Variants in GTPBP4 observed in about 807,000 individuals in gnomAD.
GTPBP4 encodes GTP-binding protein 4.
In GTPBP4, 15 loss-of-function variants were observed where a neutral mutation model predicts 81.7. The observed-to-expected ratio is 0.18, with a 90% CI of 0.12 to 0.28. The LOEUF is 0.28. Ranked by LOEUF, GTPBP4 falls within the 10% of genes least tolerant of loss-of-function variation. The probability of loss-of-function intolerance (pLI) is 1.00; values close to 1 mark genes in which losing one functional copy is unlikely to be tolerated. For synonymous variants in GTPBP4, 272 were observed against 274.6 expected (o/e 0.99, Z 0.09); for missense variants, 847 against 793.8 (o/e 1.07, Z -0.81).
At chr10:996,550 T>TA (rs1329919639) in intron 4 of GTPBP4, 1 of 210,692 alleles carries the variant, frequency 4.7e-6, no homozygotes. Context: ...TTGACTTTTT[T>TA]ATTTTTAAAA....
chr10:999,201 C>A, intron 6 of GTPBP4, 106 bp downstream of exon 6: 2 of 679,292 alleles, frequency 2.9e-6, no homozygotes, highest in South Asian at 1.6e-5. Flanking sequence ...CCACTGCAAC[C>A]TTCACCTCCC....
rs12776622 is a variant in GTPBP4, at chr10:1,011,403, T to G, written c.1344+883T>G. On this transcript the variant is annotated intron_variant, in intron 13 of 16. Transcript: ENST00000360803. ...TCCATTAGTTGCTATCCTGCCTTCT[T>G]CTCTCAGCTGAGCTGTCTGAAACAT... Among the ~76,000 whole-genome samples the G allele has an allele frequency of 5.7e-4, 37 of 65,416 alleles. No individual in the cohort carries two copies. In the East Asian group the frequency reaches 7.7e-3, roughly 14 times the overall value. The allele number at this position is 65,416 out of a possible 152,430, so 42.9% of individuals were successfully genotyped here.
rs1434634046 is a variant in GTPBP4, at chr10:990,247, T to TA, written c.48+1725dup. On this transcript the variant is annotated intron_variant, in intron 1 of 16. Coordinates refer to ENST00000360803, the MANE Select transcript of GTPBP4 (RefSeq NM_012341.3). ...ATTTTTAGAGAACAGATGACTTATC[T>TA]AAAAACTGGGTGATGGTAATTGTTT... Among the ~76,000 whole-genome samples, 5 of 151,936 alleles carry TA rather than the reference T, an allele frequency of 3.3e-5. No individual in the cohort carries two copies. The East Asian group carries it at 9.7e-4, about 29-fold the overall frequency.
chr10:1,016,997 T>C (rs1342740546), intron 16 of GTPBP4, 78 bp from the exon 17 acceptor site: 1 of 1,182,196 alleles, frequency 8.5e-7, no homozygotes, highest in African/African-American at 1.5e-5. Flanking sequence ...AAACAGATTG[T>C]TACCCAGTAG....
chr10:996,290 G>C lies in GTPBP4; in HGVS notation c.460+48G>C, dbSNP rs756525381. ...AACCGTGCTAGCATCCTGCTGAGAG[G>C]ATGCGTCCTTGTTGAGGACTTGAGA... On this transcript the variant is annotated intron_variant, in intron 4 of 16. Transcript: ENST00000360803. The C allele has an allele frequency of 9.0e-6, 14 of 1,548,004 alleles. No homozygotes were observed. In the Admixed American group the frequency reaches 2.7e-4, roughly 30 times the overall value.
chr10:994,204 G>T (rs1160517961), intron 2 of GTPBP4, among the ~76,000 whole-genome samples: 2 of 152,202 alleles, frequency 1.3e-5, no homozygotes, highest in African/African-American at 4.8e-5. Context: ...CTTGGGAAAG[G>T]TCAGGTACTA....
At chr10:1,001,073 A>G (rs1564467597) in intron 8 of GTPBP4, 60 bp downstream of exon 8, 2 of 1,193,414 alleles carry the variant, frequency 1.7e-6, no homozygotes, top group Non-Finnish European at 2.5e-6. Context: ...CTCATCTCAG[A>G]CAACCAAAGT....
intron 12 of GTPBP4, among the ~76,000 whole-genome samples, chr10:1,009,875 G>A (rs1034582194): frequency 6.6e-6 from 1 of 152,210 alleles, no homozygotes; most frequent in African/African-American, 2.4e-5. Context: ...TGTGCCTGTA[G>A]TTCCAGTGAC....
Position 1,017,383 on chromosome 10 carries a change from T to C in GTPBP4, c.*156T>C. On this transcript the variant is annotated 3_prime_UTR_variant, in exon 17 of 17. Coordinates refer to ENST00000360803, the MANE Select transcript of GTPBP4 (RefSeq NM_012341.3). ...GCTGAAAACTATGGTTAACCCTATA[T>C]AGGTGTGGGAAATTTTTGTCACTGC... 2 of 611,074 alleles carry C rather than the reference T, an allele frequency of 3.3e-6. No individual in the cohort carries two copies. Among genetic ancestry groups the C allele is most frequent in the Non-Finnish European group, 5.5e-6 (2 of 365,036 alleles). The allele number at this position is 611,074 out of a possible 1,614,324, so 37.9% of individuals were successfully genotyped here.
intron 2 of GTPBP4, among the ~76,000 whole-genome samples, chr10:993,569 A>G (rs912627764): frequency 6.6e-6 from 1 of 151,198 alleles, no homozygotes; most frequent in African/African-American, 2.4e-5. Context: ...TAGCTGTAGA[A>G]AAGCAAGAGC....
chr10:1,002,072 C>T (rs572155896), intron 8 of GTPBP4, among the ~76,000 whole-genome samples: 25 of 152,068 alleles, frequency 1.6e-4, no homozygotes, highest in Admixed American at 1.0e-3. Context: ...TACAGGCGTG[C>T]GCCACCACAC....
Position 1,012,603 on chromosome 10 carries a change from A to T in GTPBP4, c.1483A>T (p.Ile495Phe). 6.2e-7 allele frequency: 1 copy of T among 1,614,122 alleles called. No homozygotes were observed. The highest frequency in any genetic ancestry group is 1.1e-5 in the South Asian group (1 of 91,074). ...AATTCGAGAGAAAAAGAAGTTGAAAATTCTGGAGTCCAAAGAAAAGAATAC... is the reference window on the plus strand; with the variant it reads ...AATTCGAGAGAAAAAGAAGTTGAAATTTCTGGAGTCCAAAGAAAAGAATAC... ...KQIREKKKLK[I>F]LESKEKNTQG... Residue 495 changes from isoleucine (I) to phenylalanine (F), a missense_variant, in exon 14 of 17, where the codon ATT becomes TTT. Physicochemically the swap from Ile to Phe is conservative, Grantham distance 21 (BLOSUM62 0). Around this residue, in one of 3 missense-constraint regions of GTPBP4, gnomAD observed 600 missense variants for 557.1 expected, o/e 1.08. Coordinates refer to ENST00000360803, the MANE Select transcript of GTPBP4 (RefSeq NM_012341.3).
rs1831976444 is a variant in GTPBP4 at position 1,015,736 on chromosome 10, C to T, written c.1609-17C>T. On this transcript the variant is annotated splice_polypyrimidine_tract_variant and intron_variant, in intron 15 of 16. Coordinates refer to ENST00000360803, the MANE Select transcript of GTPBP4 (RefSeq NM_012341.3). ...CTGGGGTCCTGAGCGCTGAGCATTG[C>T]TTCCCCTGCTTTGCAGGCCCATTAC... The T allele has an allele frequency of 6.2e-7, 1 of 1,607,838 alleles. No homozygotes were observed.
At chr10:1,006,403 C>A (rs921298646) in intron 9 of GTPBP4, among the ~76,000 whole-genome samples, 1 of 152,216 alleles carries the variant, frequency 6.6e-6, no homozygotes, top group Admixed American at 6.5e-5. Flanking sequence ...CTTTGGGAGG[C>A]TGAGGCGGGT....
At chr10:1,011,634 T>C (rs1157402347) in intron 13 of GTPBP4, among the ~76,000 whole-genome samples, 1 of 152,244 alleles carries the variant, frequency 6.6e-6, no homozygotes, top group Non-Finnish European at 1.5e-5. Context: ...TGAGTTCACA[T>C]TTTCAGTCTC....
rs748725666 is a variant in GTPBP4, at chr10:1,019,538, A to T, written c.*2311A>T. ...CCTCTCACACTCTGTGTATTTTGTG[A>T]AGCTCCACAAACGGGGTCACGTCAT... On this transcript the variant is annotated 3_prime_UTR_variant, in exon 17 of 17. Transcript: ENST00000360803. 3.7e-6 allele frequency: 6 copies of T among 1,612,978 alleles called. No individual in the cohort carries two copies. The South Asian group carries it at 6.6e-5, about 18-fold the overall frequency.
intron 10 of GTPBP4, chr10:1,007,814 A>G (rs550915849): frequency 4.1e-6 from 2 of 483,594 alleles, no homozygotes; most frequent in African/African-American, 4.0e-5. Flanking sequence ...TTGTGTAAAG[A>G]TGATTTTATT....
intron 8 of GTPBP4, among the ~76,000 whole-genome samples, chr10:1,005,555 T>C (rs539933497): frequency 2.0e-5 from 3 of 152,310 alleles, no homozygotes; most frequent in African/African-American, 7.2e-5. Context: ...TAACATGTAG[T>C]TGTTCGTTAT....
At chr10:1,016,865 G>T (rs1832002782) in intron 16 of GTPBP4, among the ~76,000 whole-genome samples, 1 of 149,478 alleles carries the variant, frequency 6.7e-6, no homozygotes, top group Non-Finnish European at 1.5e-5. Context: ...TAAGAGAAAA[G>T]AGATGTAACA....
Sources: gnomAD v4.1 joint callset for allele counts (sites outside exome capture counted in the v4.1 genomes callset) on GRCh38, gnomAD v4.1.1 for gene constraint, gnomAD v4.1.1 regional missense constraint, MANE v1.5 for transcripts, NCBI Gene and HGNC (gene_info 2026-07-23, HGNC 2026-07-21) for gene names.